Variants in ZNF207 observed in about 807,000 individuals in gnomAD.
ZNF207 encodes zinc finger protein 207, also known as BUB3-interacting and GLEBS motif-containing protein ZNF207.
In ZNF207, 24 loss-of-function variants were observed where a neutral mutation model predicts 60.2. That is an observed-to-expected ratio of 0.40 (90% CI 0.29 to 0.56). ZNF207 has a LOEUF of 0.56. Ranked by LOEUF, ZNF207 falls within the 20% of genes least tolerant of loss-of-function variation. The pLI, the probability that ZNF207 is intolerant of heterozygous loss-of-function variation, is 0.49. For synonymous variants in ZNF207, 236 were observed against 194.7 expected, an observed-to-expected ratio of 1.21 and a Z score of -1.77; for missense variants, 452 against 636.6, an observed-to-expected ratio of 0.71 and a Z score of 3.12.
intron 5 of ZNF207, 147 bp downstream of exon 5, chr17:32,361,114 C>A: frequency 1.2e-6 from 1 of 845,236 alleles, no homozygotes; most frequent in East Asian, 2.7e-5. Context: ...AAGGGATCAA[C>A]CAGTAAATTT....
chr17:32,353,474 T>C (rs8073708), intron 2 of ZNF207, among the ~76,000 whole-genome samples: 92,080 of 151,722 alleles, frequency 0.61, 28,961 homozygotes, highest in African/African-American at 0.71. Flanking sequence ...ACTTTAACAA[T>C]AATTTAATAT....
chr17:32,353,861 A>T (rs1904338496), intron 2 of ZNF207, among the ~76,000 whole-genome samples: 1 of 151,650 alleles, frequency 6.6e-6, no homozygotes. Context: ...ACTACATGTT[A>T]GACTCACAGC....
chr17:32,361,592 CTATT>C (rs1567819596), intron 6 of ZNF207, 77 bp downstream of exon 6: 2 of 1,379,400 alleles, frequency 1.4e-6, no homozygotes, highest in Non-Finnish European at 2.0e-6. Context: ...TTAATGGTAT[CTATT>C]CAGTTGACTT....
chr17:32,362,152 G>A (rs1416482827), intron 6 of ZNF207, among the ~76,000 whole-genome samples: 3 of 151,282 alleles, frequency 2.0e-5, no homozygotes, highest in African/African-American at 7.3e-5. Context: ...GTGTGTGTGT[G>A]TGTGTATATG....
intron 7 of ZNF207, among the ~76,000 whole-genome samples, chr17:32,363,618 G>C (rs1905011154): frequency 7.7e-6 from 1 of 129,224 alleles, no homozygotes; most frequent in African/African-American, 2.9e-5. Context: ...TGCAACCTCT[G>C]CTTCCGGGGT....
At chr17:32,353,934 T>A (rs1295698154) in intron 2 of ZNF207, among the ~76,000 whole-genome samples, 1 of 152,126 alleles carries the variant, frequency 6.6e-6, no homozygotes, top group Non-Finnish European at 1.5e-5. Context: ...ATCTAAATGC[T>A]CAGTTTCTCT....
chr17:32,357,072 C>T (rs909399565), intron 2 of ZNF207, among the ~76,000 whole-genome samples: 2 of 151,714 alleles, frequency 1.3e-5, no homozygotes, highest in Non-Finnish European at 2.9e-5. Context: ...GTCCCAGTTA[C>T]TTGGGAGGCT....
rs747887582 is a variant in ZNF207, at chr17:32,360,635, A to G, written c.345A>G (p.Glu115=). 6.2e-7 allele frequency: 1 copy of G among 1,613,464 alleles called. No individual in the cohort carries two copies. The part of the protein sequence containing the change: ...QKKKQQDDSD[E]YDDDDSAAST... ...AGAAGCAACAAGATGATTCTGATGA[A>G]TATGATGATGACGACTCTGCAGCCT... The change falls in exon 4 of 12, where the codon GAA becomes GAG. Residue 115 remains glutamate, a synonymous_variant. Coordinates refer to ENST00000394670, the MANE Select transcript of ZNF207 (RefSeq NM_001098507.2).
rs1905834098 is a variant in ZNF207 at position 32,380,347 on chromosome 17, A to G, written c.*10588A>G. ...TAACATTTTTTACAAATTTGCCTGC[A>G]TAAAGATTAAATTGGAACATACCTT... On this transcript the variant is annotated 3_prime_UTR_variant, in exon 12 of 12. Transcript: ENST00000394670. The G allele has an allele frequency of 2.6e-5, 4 of 152,502 alleles. No homozygotes were observed. In the South Asian group the frequency reaches 8.3e-4, roughly 32 times the overall value. 9.4% of individuals were successfully genotyped at this position (152,502 alleles called of 1,614,324 possible).
chr17:32,353,808 C>T (rs1377009475), intron 2 of ZNF207, among the ~76,000 whole-genome samples: 1 of 91,378 alleles, frequency 1.1e-5, no homozygotes, highest in Admixed American at 1.2e-4. Context: ...GAGACTCTGT[C>T]TCCAAAAAAA....
rs1302068809 is a variant in ZNF207, at chr17:32,381,452, CTTTGA to C, written c.*11698_*11702del. ...TCACGAATATTAGTGCATCTTGTCA[CTTTGA>C]TTTGTCACCTGGTTAAATAGCTGGA... On this transcript the variant is annotated 3_prime_UTR_variant, in exon 12 of 12. Coordinates refer to ENST00000394670, the MANE Select transcript of ZNF207 (RefSeq NM_001098507.2). 6.6e-6 allele frequency: 1 copy of C among 152,216 alleles called. No homozygotes were observed. Among genetic ancestry groups the C allele is most frequent in the African/African-American group, 2.4e-5 (1 of 41,456 alleles). The allele number at this position is 152,216 out of a possible 1,614,324, so 9.4% of individuals were successfully genotyped here.
chr17:32,363,691 C>T (rs1474830541), intron 7 of ZNF207, among the ~76,000 whole-genome samples: 1 of 151,884 alleles, frequency 6.6e-6, no homozygotes, highest in Non-Finnish European at 1.5e-5. Context: ...ACTACCACGC[C>T]TGGCTCATTT....
At position 32,379,486 on chromosome 17, in the gene ZNF207, G is replaced by A. The variant is rs1264678942; in HGVS notation, c.*9727G>A. The stretch of plus-strand genomic sequence containing the variant: ...GAGATGGAATAAATGTTTAAAATTA[G>A]TATTTAAGAAAGTTCTTAAACATTT... On this transcript the variant is annotated 3_prime_UTR_variant, in exon 12 of 12. Coordinates refer to ENST00000394670, the MANE Select transcript of ZNF207 (RefSeq NM_001098507.2). 1 of 152,076 alleles carries A rather than the reference G, an allele frequency of 6.6e-6. No individual in the cohort carries two copies. Among genetic ancestry groups the A allele is most frequent in the African/African-American group, 2.4e-5 (1 of 41,434 alleles). The allele number at this position is 152,076 out of a possible 1,614,324, so 9.4% of individuals were successfully genotyped here. A position where few individuals can be genotyped will look rare whatever the true frequency, so the allele number is the denominator to read the frequency against.
rs559709259 is a variant in ZNF207, at chr17:32,351,639, C to T, written c.42-147C>T. The T allele has an allele frequency of 9.5e-5, 148 of 1,555,188 alleles. No homozygotes were observed. The African/African-American group carries it at 1.5e-3, about 16-fold the overall frequency. ...TGAAATAACATGGCAAGTGTAGTCCCTAATTGTGTAATAAATATAAAAAGC... is the reference window on the plus strand; with the variant it reads ...TGAAATAACATGGCAAGTGTAGTCCTTAATTGTGTAATAAATATAAAAAGC... On this transcript the variant is annotated intron_variant, in intron 1 of 11. Coordinates refer to ENST00000394670, the MANE Select transcript of ZNF207 (RefSeq NM_001098507.2).
intron 2 of ZNF207, among the ~76,000 whole-genome samples, chr17:32,356,999 T>G (rs1175088950): frequency 6.6e-6 from 1 of 151,930 alleles, no homozygotes; most frequent in Non-Finnish European, 1.5e-5. Context: ...CTGGGGAACA[T>G]AACAAAACTA....
intron 2 of ZNF207, among the ~76,000 whole-genome samples, chr17:32,355,114 T>TGGC (rs1267306851): frequency 2.0e-5 from 3 of 152,254 alleles, no homozygotes; most frequent in Admixed American, 6.5e-5. Context: ...CAAGATGGTC[T>TGGC]GGCTAGGTGC....
intron 2 of ZNF207, among the ~76,000 whole-genome samples, chr17:32,353,884 C>G (rs1284341433): frequency 6.6e-6 from 1 of 151,644 alleles, no homozygotes; most frequent in Non-Finnish European, 1.5e-5. Context: ...TTCACTGTTG[C>G]AGCCATTAGT....
intron 3 of ZNF207, among the ~76,000 whole-genome samples, chr17:32,359,371 A>G (rs1435525462): frequency 2.0e-5 from 3 of 151,628 alleles, no homozygotes; most frequent in Non-Finnish European, 4.4e-5. Context: ...TCGGCCTCCC[A>G]AAGTGCTGGG....
intron 3 of ZNF207, among the ~76,000 whole-genome samples, chr17:32,358,949 A>G (rs1045679185): frequency 1.3e-5 from 2 of 151,620 alleles, no homozygotes; most frequent in Non-Finnish European, 2.9e-5. Context: ...ACAGGCATGC[A>G]CTACCACGCC....
Sources: gnomAD v4.1 joint callset for allele counts (sites outside exome capture counted in the v4.1 genomes callset) on GRCh38, gnomAD v4.1.1 for gene constraint, MANE v1.5 for transcripts, NCBI Gene and HGNC (gene_info 2026-07-23, HGNC 2026-07-21) for gene names.